CCDC149: variants seen among roughly 807,000 people sequenced by gnomAD.
CCDC149 encodes the protein coiled-coil domain-containing protein 149.
A neutral mutation model predicts 59.9 loss-of-function variants in CCDC149; 45 were observed. The observed-to-expected ratio is 0.75, with a 90% CI of 0.59 to 0.96. The LOEUF is 0.96. CCDC149 is among the 40% of genes least tolerant of loss of function. CCDC149 has a pLI of 0.00. For missense variants in CCDC149, 584 were observed against 664.7 expected (o/e 0.88, Z 1.33); for synonymous variants, 245 against 260.6 (o/e 0.94, Z 0.58).
intron 1 of CCDC149, among the ~76,000 whole-genome samples, chr4:24,905,656 A>G (rs1180627861): frequency 6.6e-6 from 1 of 152,082 alleles, no homozygotes; most frequent in Non-Finnish European, 1.5e-5. Context: ...AGCTGGTCTC[A>G]AACTCCTGAC....
intron 3 of CCDC149, among the ~76,000 whole-genome samples, chr4:24,857,985 C>G (rs1718130823): frequency 6.6e-6 from 1 of 152,150 alleles, no homozygotes; most frequent in Admixed American, 6.5e-5. Context: ...AATGACTATT[C>G]TGATATGGTG....
At chr4:24,885,223 C>T (rs1412044661) in intron 1 of CCDC149, among the ~76,000 whole-genome samples, 4 of 152,096 alleles carry the variant, frequency 2.6e-5, no homozygotes, top group Non-Finnish European at 5.9e-5. Flanking sequence ...CTCCGAGGGG[C>T]TTTGAATGGG....
At chr4:24,886,663 A>G (rs1473213535) in intron 1 of CCDC149, among the ~76,000 whole-genome samples, 1 of 152,228 alleles carries the variant, frequency 6.6e-6, no homozygotes, top group East Asian at 1.9e-4. Context: ...TTTTTTGAAT[A>G]AAGATTGAAA....
At chr4:24,818,995 T>A (rs531154900) in intron 12 of CCDC149, among the ~76,000 whole-genome samples, 4 of 152,310 alleles carry the variant, frequency 2.6e-5, no homozygotes, top group African/African-American at 9.6e-5. Flanking sequence ...ATGAAGTTTG[T>A]TGGGAAGACA....
At chr4:24,825,241 G>GCA (rs1337407559) in intron 9 of CCDC149, among the ~76,000 whole-genome samples, 14 of 152,164 alleles carry the variant, frequency 9.2e-5, no homozygotes, top group Admixed American at 8.5e-4. Flanking sequence ...ACAGACCGAT[G>GCA]CATACACACA....
rs149742262 is a variant in CCDC149 at position 24,857,079 on chromosome 4, C to T, written c.265-3900G>A. On this transcript the variant is annotated intron_variant, in intron 3 of 12. Coordinates refer to ENST00000635206, the MANE Select transcript of CCDC149 (RefSeq NM_001330643.2). ...ATGTCTGTAAGGGCAACAATGAAAACGTAAAAAAAGACAAGGGAAAAAAAT... is the reference window on the plus strand; with the variant it reads ...ATGTCTGTAAGGGCAACAATGAAAATGTAAAAAAAGACAAGGGAAAAAAAT... Among the ~76,000 whole-genome samples the T allele has an allele frequency of 2.8e-3, 419 of 152,136 alleles. 1 individual carries two copies. The highest frequency in any genetic ancestry group is 7.7e-3 in the African/African-American group (319 of 41,500).
chr4:24,959,735 C>G (rs1723583025), intron 1 of CCDC149, among the ~76,000 whole-genome samples: 1 of 152,138 alleles, frequency 6.6e-6, no homozygotes, highest in Non-Finnish European at 1.5e-5. Flanking sequence ...GAAAAAAATG[C>G]AAGTGAGAAG....
intron 2 of CCDC149, among the ~76,000 whole-genome samples, chr4:24,876,308 C>CGT (rs1719426684): frequency 6.8e-6 from 1 of 148,092 alleles, no homozygotes; most frequent in Non-Finnish European, 1.5e-5. Flanking sequence ...CACACACACA[C>CGT]ACACACACAC....
chr4:24,905,194 C>T (rs575977829), intron 1 of CCDC149, among the ~76,000 whole-genome samples: 7 of 151,794 alleles, frequency 4.6e-5, no homozygotes, highest in Middle Eastern at 3.2e-3. Flanking sequence ...CCACCGCACC[C>T]GGCCTTTCTT....
At chr4:24,878,464 T>C (rs1719619280) in intron 1 of CCDC149, among the ~76,000 whole-genome samples, 1 of 152,158 alleles carries the variant, frequency 6.6e-6, no homozygotes, top group Non-Finnish European at 1.5e-5. Context: ...AAATCCCCAA[T>C]GAGTAAATAT....
At chr4:24,809,180 G>A (rs921065480) in intron 12 of CCDC149, among the ~76,000 whole-genome samples, 1 of 152,160 alleles carries the variant, frequency 6.6e-6, no homozygotes, top group Non-Finnish European at 1.5e-5. Context: ...CTGCAGCTGA[G>A]AGCCAGGGCT....
At chr4:24,840,407 C>T (rs965401777) in intron 4 of CCDC149, among the ~76,000 whole-genome samples, 1 of 152,186 alleles carries the variant, frequency 6.6e-6, no homozygotes, top group Non-Finnish European at 1.5e-5. Flanking sequence ...TGCCTACTTG[C>T]TGAAATTTAT....
Position 24,821,073 on chromosome 4 carries a change from CATT to C in CCDC149, c.1054_1056del (p.Asn352del). The C allele has an allele frequency of 1.1e-5, 14 of 1,231,288 alleles. No individual in the cohort carries two copies. The highest frequency in any genetic ancestry group is 1.4e-5 in the Non-Finnish European group (14 of 987,668). 76.3% of individuals were successfully genotyped at this position (1,231,288 alleles called of 1,614,324 possible). On this transcript the variant is annotated inframe_deletion, in exon 11 of 13. Transcript: ENST00000635206. Reference sequence around the variant, plus strand: ...AACATACTCCCAAATCCTACTGAAACATTGTAGCTCAGGCCTTCAGGCAGCAAA... The same window carrying C: ...AACATACTCCCAAATCCTACTGAAACGTAGCTCAGGCCTTCAGGCAGCAAA...
At chr4:24,890,886 C>G (rs1720485096) in intron 1 of CCDC149, among the ~76,000 whole-genome samples, 1 of 152,342 alleles carries the variant, frequency 6.6e-6, no homozygotes, top group African/African-American at 2.4e-5. Context: ...AGAGCTCTTA[C>G]CACCATCTGC....
intron 3 of CCDC149, among the ~76,000 whole-genome samples, chr4:24,869,934 A>G (rs750514384): frequency 7.9e-5 from 12 of 152,228 alleles, no homozygotes; most frequent in Non-Finnish European, 1.5e-4. Context: ...GCGTGCTATT[A>G]GACCAGGAAT....
At chr4:24,813,626 T>C (rs532713601) in intron 12 of CCDC149, among the ~76,000 whole-genome samples, 1 of 151,660 alleles carries the variant, frequency 6.6e-6, no homozygotes, top group South Asian at 2.1e-4. Flanking sequence ...TGATCCATTC[T>C]AATTTTAATA....
At chr4:24,854,333 C>T (rs6854022) in intron 3 of CCDC149, among the ~76,000 whole-genome samples, 6,033 of 152,294 alleles carry the variant, frequency 0.04, 399 homozygotes, top group African/African-American at 0.14. Flanking sequence ...AAGGCAGAGA[C>T]TCTGCTTTCT....
chr4:24,820,138 T>C (rs1715294409), intron 11 of CCDC149, 163 bp from the exon 12 acceptor site: 4 of 597,076 alleles, frequency 6.7e-6, no homozygotes, highest in African/African-American at 3.7e-5. Flanking sequence ...CTTACACTAT[T>C]GCACCACCCT....
At chr4:24,923,335 G>A (rs1722351817) in intron 1 of CCDC149, among the ~76,000 whole-genome samples, 1 of 152,162 alleles carries the variant, frequency 6.6e-6, no homozygotes, top group Non-Finnish European at 1.5e-5. Flanking sequence ...TTCCTGCTAT[G>A]CCAGGCACTG....
Sources: gnomAD v4.1 joint callset for allele counts (sites outside exome capture counted in the v4.1 genomes callset) on GRCh38, gnomAD v4.1.1 for gene constraint, MANE v1.5 for transcripts, NCBI Gene and HGNC (gene_info 2026-07-23, HGNC 2026-07-21) for gene names.